The following RNF220 variants were observed in gnomAD, a reference collection of about 807,000 sequenced individuals.
RNF220 encodes the protein ring finger protein 220.
In RNF220, 7 loss-of-function variants were observed where a neutral mutation model predicts 67.1. That is an observed-to-expected ratio of 0.10 (90% CI 0.06 to 0.20). RNF220 has a LOEUF of 0.20. RNF220 is among the 10% of genes least tolerant of loss of function. The probability of loss-of-function intolerance (pLI) is 1.00; values close to 1 mark genes in which losing one functional copy is unlikely to be tolerated. For synonymous variants in RNF220, 270 were observed against 283.2 expected, an observed-to-expected ratio of 0.95 and a Z score of 0.47; for missense variants, 565 against 740.3, an observed-to-expected ratio of 0.76 and a Z score of 2.75.
chr1:44,447,428 G>A (rs565954802), intron 2 of RNF220, among the ~76,000 whole-genome samples: 15 of 152,066 alleles, frequency 9.9e-5, no homozygotes, highest in Admixed American at 1.3e-4. Flanking sequence ...TGTTCTCCCC[G>A]CTACAGCCCT....
rs534686792 is a variant in RNF220, at chr1:44,592,605, G to A, written c.626-21560G>A. 6.6e-5 allele frequency among the ~76,000 whole-genome samples: 10 copies of A among 152,314 alleles called. No homozygotes were observed. In the South Asian group the frequency reaches 1.9e-3, roughly 28 times the overall value. On this transcript the variant is annotated intron_variant, in intron 2 of 14. Transcript: ENST00000361799. Reference sequence around the variant, plus strand: ...CTCTGTGATTCCCCGCTTGGGGCAGGAAGGCATGCTGAGAGCCACTCTGCA... The same window carrying A: ...CTCTGTGATTCCCCGCTTGGGGCAGAAAGGCATGCTGAGAGCCACTCTGCA...
At chr1:44,566,530 G>A (rs1025901376) in intron 2 of RNF220, among the ~76,000 whole-genome samples, 1 of 152,194 alleles carries the variant, frequency 6.6e-6, no homozygotes, top group Non-Finnish European at 1.5e-5. Context: ...AGGCTGCCTC[G>A]GGCTAGCTGT....
chr1:44,580,015 C>A (rs1380797710), intron 2 of RNF220, among the ~76,000 whole-genome samples: 2 of 77,328 alleles, frequency 2.6e-5, no homozygotes, highest in Non-Finnish European at 4.7e-5. Flanking sequence ...GGCAACAGAG[C>A]AAGACCCTGT....
chr1:44,630,520 C>T (rs1354149489), intron 5 of RNF220, among the ~76,000 whole-genome samples: 1 of 152,238 alleles, frequency 6.6e-6, no homozygotes, highest in Non-Finnish European at 1.5e-5. Context: ...CTCCTTCATG[C>T]AAGACGCTGT....
In RNF220 at chr1:44,605,024, G is replaced by A. The variant is rs116899165; in HGVS notation, c.626-9141G>A. Reference sequence around the variant, plus strand: ...ACAGATAAAAGCATATATAGGGGCCGGGCGCGGTGGCTCATGCCTGTAATC... The same window carrying A: ...ACAGATAAAAGCATATATAGGGGCCAGGCGCGGTGGCTCATGCCTGTAATC... On this transcript the variant is annotated intron_variant, in intron 2 of 14. Transcript: ENST00000361799. Among the ~76,000 whole-genome samples the A allele has an allele frequency of 6.2e-4, 95 of 152,264 alleles. No homozygotes were observed. In the South Asian group the frequency reaches 0.012, roughly 19 times the overall value.
chr1:44,416,920 A>G lies in RNF220; in HGVS notation c.625+4198A>G, dbSNP rs1214555018. 2.0e-5 allele frequency among the ~76,000 whole-genome samples: 3 copies of G among 152,164 alleles called. No homozygotes were observed. In the East Asian group the frequency reaches 5.8e-4, roughly 29 times the overall value. On this transcript the variant is annotated intron_variant, in intron 2 of 14. Transcript: ENST00000361799. ...GTGTCTTTATATAAAGGCATGTATC[A>G]TTGAAGACCCTGTGTTCTAACAATC...
chr1:44,629,765 C>A (rs1249413579), intron 5 of RNF220, among the ~76,000 whole-genome samples: 3 of 152,148 alleles, frequency 2.0e-5, no homozygotes, highest in African/African-American at 7.2e-5. Context: ...AAGCTTCACA[C>A]AGGAGGTAAT....
In RNF220 at chr1:44,534,288, A is replaced by AT. The variant is rs562260760; in HGVS notation, c.626-79867dup. Among the ~76,000 whole-genome samples, 476 of 147,636 alleles carry AT rather than the reference A, an allele frequency of 3.2e-3. 4 individuals are homozygous for AT. The highest frequency in any genetic ancestry group is 0.011 in the African/African-American group (443 of 40,254). Reference sequence around the variant, plus strand: ...AGCCATTGCACCTGGCCTGAGCTTGATTTTTTTTTTACATTTCTATTATTA... The same window carrying AT: ...AGCCATTGCACCTGGCCTGAGCTTGATTTTTTTTTTTACATTTCTATTATTA... On this transcript the variant is annotated intron_variant, in intron 2 of 14. Coordinates refer to ENST00000361799, the MANE Select transcript of RNF220 (RefSeq NM_018150.4).
intron 4 of RNF220, 132 bp from the exon 5 acceptor site, chr1:44,626,165 A>G: frequency 1.5e-6 from 1 of 663,112 alleles, no homozygotes; most frequent in East Asian, 2.7e-5. Flanking sequence ...TTAGAATCTC[A>G]AGAGTGGTCT....
rs1320204176 is a variant in RNF220, at chr1:44,647,711, C to T, written c.1446-1950C>T. On this transcript the variant is annotated intron_variant, in intron 12 of 14. Transcript: ENST00000361799. Reference sequence around the variant, plus strand: ...GCCCATGAAATGGGACCACTACCCTCCCTGCACTCCCATTACCACTCACAT... The same window carrying T: ...GCCCATGAAATGGGACCACTACCCTTCCTGCACTCCCATTACCACTCACAT... 4.6e-5 allele frequency among the ~76,000 whole-genome samples: 7 copies of T among 152,192 alleles called. 1 individual carries two copies. Among genetic ancestry groups the T allele is most frequent in the Non-Finnish European group, 1.0e-4 (7 of 68,028 alleles).
intron 2 of RNF220, among the ~76,000 whole-genome samples, chr1:44,500,447 C>G (rs1160324609): frequency 6.6e-6 from 1 of 152,160 alleles, no homozygotes; most frequent in Non-Finnish European, 1.5e-5. Context: ...CCTTGTCTTG[C>G]TCTCTTTTTC....
At chr1:44,511,201 C>T (rs1304673669) in intron 2 of RNF220, among the ~76,000 whole-genome samples, 1 of 152,194 alleles carries the variant, frequency 6.6e-6, no homozygotes, top group Non-Finnish European at 1.5e-5. Flanking sequence ...AAAGAAAAGG[C>T]TTTGCCTGCT....
At chr1:44,599,249 A>T (rs1666750901) in intron 2 of RNF220, among the ~76,000 whole-genome samples, 1 of 152,234 alleles carries the variant, frequency 6.6e-6, no homozygotes, top group Non-Finnish European at 1.5e-5. Flanking sequence ...CAGATAAATA[A>T]ATAATTGCAA....
rs1667261053 is a variant in RNF220 at position 44,606,178 on chromosome 1, T to TA, written c.626-7983dup. ...ACGGATAATGTATTTGACGTATTAATAAAACCAGCCGCATTGCTCTGGCCC... is the reference window on the plus strand; with the variant it reads ...ACGGATAATGTATTTGACGTATTAATAAAAACCAGCCGCATTGCTCTGGCCC... On this transcript the variant is annotated intron_variant, in intron 2 of 14. Coordinates refer to ENST00000361799, the MANE Select transcript of RNF220 (RefSeq NM_018150.4). The surrounding 1 kb of genome is among the most constrained non-coding windows in gnomAD (Gnocchi z 4.2). 6.6e-6 allele frequency among the ~76,000 whole-genome samples: 1 copy of TA among 152,266 alleles called. No homozygotes were observed. Among genetic ancestry groups the TA allele is most frequent in the African/African-American group, 2.4e-5 (1 of 41,464 alleles).
intron 2 of RNF220, among the ~76,000 whole-genome samples, chr1:44,525,222 G>A (rs573189316): frequency 2.6e-4 from 40 of 152,328 alleles, no homozygotes; most frequent in African/African-American, 8.9e-4. Context: ...GTCACCAGCC[G>A]TGTCAGGGCC....
intron 3 of RNF220, among the ~76,000 whole-genome samples, chr1:44,615,752 C>T (rs1039465922): frequency 1.3e-5 from 2 of 152,182 alleles, no homozygotes; most frequent in African/African-American, 4.8e-5. Context: ...GAAGGTAAGG[C>T]CTGAGCTGAA....
At chr1:44,519,194 G>A (rs541302726) in intron 2 of RNF220, among the ~76,000 whole-genome samples, 36 of 152,174 alleles carry the variant, frequency 2.4e-4, no homozygotes, top group Admixed American at 1.3e-4. Flanking sequence ...GTCAATAAGC[G>A]TGTTGTGTTT....
chr1:44,462,105 T>A (rs2147963494), intron 2 of RNF220, among the ~76,000 whole-genome samples: 1 of 151,886 alleles, frequency 6.6e-6, no homozygotes, highest in Non-Finnish European at 1.5e-5. Context: ...TTTTTTTTTC[T>A]TGTATTTTTA....
At chr1:44,524,250 C>T (rs1469698430) in intron 2 of RNF220, among the ~76,000 whole-genome samples, 2 of 152,006 alleles carry the variant, frequency 1.3e-5, no homozygotes, top group Non-Finnish European at 2.9e-5. Flanking sequence ...TGCGAACTGC[C>T]GCCGCCACCG....
Sources: gnomAD v4.1 joint callset for allele counts (sites outside exome capture counted in the v4.1 genomes callset) on GRCh38, gnomAD v4.1.1 for gene constraint, Gnocchi (gnomAD v3.1) non-coding constraint, MANE v1.5 for transcripts, NCBI Gene and HGNC (gene_info 2026-07-23, HGNC 2026-07-21) for gene names.